Variants in PNPLA1 observed in about 807,000 individuals in gnomAD.
PNPLA1 encodes patatin like domain 1, omega-hydroxyceramide transacylase.
In PNPLA1, 36 loss-of-function variants were observed where a neutral mutation model predicts 51.7. That is an observed-to-expected ratio of 0.70 (90% CI 0.53 to 0.92). The LOEUF is 0.92. Among genes scored for constraint, PNPLA1 ranks in the 40% least tolerant of loss-of-function variants. The pLI is 0.00. For missense variants in PNPLA1, 658 were observed against 682.5 expected, an observed-to-expected ratio of 0.96 and a Z score of 0.40; for synonymous variants, 293 against 280.1, an observed-to-expected ratio of 1.05 and a Z score of -0.46.
chr6:36,269,015 C>G (rs1769831517), upstream of PNPLA1, among the ~76,000 whole-genome samples: 1 of 152,146 alleles, frequency 6.6e-6, no homozygotes, highest in African/African-American at 2.4e-5. Flanking sequence ...CTAAAGCTCT[C>G]TTTTCAACCT....
At chr6:36,269,271 A>T (rs866609436), upstream of PNPLA1, among the ~76,000 whole-genome samples, 7 of 152,182 alleles carry the variant, frequency 4.6e-5, no homozygotes, top group South Asian at 2.1e-4. Context: ...GGGAGACGCC[A>T]TCTTGCCTTC....
chr6:36,280,801 G>A (rs1039373640), intron 1 of PNPLA1, among the ~76,000 whole-genome samples: 2 of 152,048 alleles, frequency 1.3e-5, no homozygotes, highest in African/African-American at 4.8e-5. Flanking sequence ...TATTGTTGTT[G>A]TTGTTTGAGG....
rs886454348 is a variant in PNPLA1 at position 36,250,301 on chromosome 6, A to G, written c.-81+7040A>G. 3.3e-5 allele frequency among the ~76,000 whole-genome samples: 5 copies of G among 152,126 alleles called. No individual in the cohort carries two copies. The South Asian group carries it at 6.2e-4, about 19-fold the overall frequency. On this transcript the variant is annotated intron_variant, in intron 1 of 7. Transcript: ENST00000312917. Reference sequence around the variant, plus strand: ...CTCTCACCTTAAATATGAATACTGTATGTTATTTGGAGATGTGGCAGCAGT... The same window carrying G: ...CTCTCACCTTAAATATGAATACTGTGTGTTATTTGGAGATGTGGCAGCAGT...
In PNPLA1 at chr6:36,312,691, C is replaced by A. The variant is rs1771433995; in HGVS notation, c.*805C>A. Among the ~76,000 whole-genome samples, 1 of 152,218 alleles carries A rather than the reference C, an allele frequency of 6.6e-6. No homozygotes were observed. The highest frequency in any genetic ancestry group is 1.5e-5 in the Non-Finnish European group (1 of 68,034). ...CCCTTTTGAGGACCAGGGGCAACAC[C>A]TATTCCCAGCCCCGATGGTGCACAA... On this transcript the variant is annotated 3_prime_UTR_variant, in exon 9 of 9. Transcript: ENST00000636260.
chr6:36,273,251 T>A (rs867897552), intron 1 of PNPLA1, among the ~76,000 whole-genome samples: 147 of 146,624 alleles, frequency 1.0e-3, no homozygotes, highest in African/African-American at 1.5e-3. Context: ...AATAAATAAA[T>A]AATAAATAAA....
Position 36,312,810 on chromosome 6 carries a change from A to T in PNPLA1, c.*924A>T, listed in dbSNP as rs1771435882. Among the ~76,000 whole-genome samples the T allele has an allele frequency of 6.6e-6, 1 of 152,152 alleles. No individual in the cohort carries two copies. The highest frequency in any genetic ancestry group is 1.5e-5 in the Non-Finnish European group (1 of 68,024). The stretch of plus-strand genomic sequence containing the variant: ...TCTGGACAGACTGATGGATGCCAGC[A>T]CTGATCGGCACTCATGGACCTTCCT... On this transcript the variant is annotated 3_prime_UTR_variant, in exon 9 of 9. Transcript: ENST00000636260.
upstream of PNPLA1, among the ~76,000 whole-genome samples, chr6:36,269,560 T>G (rs1769846642): frequency 6.6e-6 from 1 of 152,142 alleles, no homozygotes; most frequent in South Asian, 2.1e-4. Flanking sequence ...CTCACACACT[T>G]AGAATGATCT....
intron 6 of PNPLA1, among the ~76,000 whole-genome samples, chr6:36,304,016 G>C (rs957087464): frequency 1.3e-5 from 2 of 152,134 alleles, no homozygotes; most frequent in Admixed American, 6.5e-5. Context: ...GGATGGGTTG[G>C]AGTAGAAAGA....
chr6:36,293,525 C>G (rs543368918), intron 3 of PNPLA1, among the ~76,000 whole-genome samples: 1 of 152,196 alleles, frequency 6.6e-6, no homozygotes, highest in Non-Finnish European at 1.5e-5. Context: ...CTCGGGGTCT[C>G]GTAAAATTAT....
At chr6:36,288,157 A>T (rs1770561490) in intron 1 of PNPLA1, among the ~76,000 whole-genome samples, 3 of 152,206 alleles carry the variant, frequency 2.0e-5, no homozygotes, top group Non-Finnish European at 4.4e-5. Flanking sequence ...CTAGGAATTT[A>T]TCCTAAGGAA....
intron 1 of PNPLA1, among the ~76,000 whole-genome samples, chr6:36,258,924 C>G (rs1221580129): frequency 2.0e-5 from 3 of 152,184 alleles, no homozygotes; most frequent in Non-Finnish European, 4.4e-5. Context: ...AGTCCTTTAT[C>G]CACAGAGATT....
At chr6:36,276,412 G>C (rs368372870) in intron 1 of PNPLA1, among the ~76,000 whole-genome samples, 43 of 152,288 alleles carry the variant, frequency 2.8e-4, no homozygotes, top group African/African-American at 1.0e-3. Context: ...GACTAGGCCA[G>C]TTCAAGGCAC....
chr6:36,288,607 C>A (rs1473073664), intron 1 of PNPLA1, among the ~76,000 whole-genome samples: 2 of 151,718 alleles, frequency 1.3e-5, no homozygotes, highest in Middle Eastern at 3.4e-3. Context: ...CGCCCGCCAC[C>A]GCGCCCGGCT....
intron 1 of PNPLA1, among the ~76,000 whole-genome samples, chr6:36,279,236 T>C (rs1410256286): frequency 6.6e-6 from 1 of 152,134 alleles, no homozygotes; most frequent in Non-Finnish European, 1.5e-5. Context: ...GCCCCGCAAA[T>C]GTGTGCACAA....
chr6:36,283,189 T>C (rs1770375127), intron 1 of PNPLA1, among the ~76,000 whole-genome samples: 1 of 152,204 alleles, frequency 6.6e-6, no homozygotes, highest in Non-Finnish European at 1.5e-5. Context: ...TGCAGACTTA[T>C]TAGAATCTCA....
chr6:36,284,239 G>A (rs1421474540), intron 1 of PNPLA1, among the ~76,000 whole-genome samples: 6 of 152,306 alleles, frequency 3.9e-5, no homozygotes, highest in East Asian at 1.9e-4. Flanking sequence ...CATGACAATC[G>A]GATATAAGCC....
At chr6:36,304,822 A>C (rs752655235) in intron 6 of PNPLA1, among the ~76,000 whole-genome samples, 3 of 152,162 alleles carry the variant, frequency 2.0e-5, no homozygotes, top group Non-Finnish European at 4.4e-5. Context: ...GATAGAGGGC[A>C]TATATAGTCT....
At chr6:36,244,484 A>G (rs1038084874) in intron 1 of PNPLA1, among the ~76,000 whole-genome samples, 2 of 151,176 alleles carry the variant, frequency 1.3e-5, no homozygotes, top group Non-Finnish European at 2.9e-5. Flanking sequence ...ATTCTGCTTT[A>G]TTATCTGCAT....
chr6:36,306,769 C>T (rs1771251406), intron 7 of PNPLA1, among the ~76,000 whole-genome samples: 1 of 152,168 alleles, frequency 6.6e-6, no homozygotes, highest in African/African-American at 2.4e-5. Flanking sequence ...AATTAAGGGT[C>T]TCTATCAAAG....
Sources: allele counts gnomAD v4.1 joint callset (sites outside exome capture counted in the v4.1 genomes callset), GRCh38; gene constraint gnomAD v4.1.1; transcripts MANE v1.5; gene names NCBI Gene and HGNC (gene_info 2026-07-23, HGNC 2026-07-21).